Variants in DLD observed in about 807,000 individuals in gnomAD.
DLD encodes dihydrolipoamide dehydrogenase.
Under a neutral mutation model 62.2 loss-of-function variants are expected in DLD, and 36 were observed. That is an observed-to-expected ratio of 0.58 (90% CI 0.44 to 0.76). The LOEUF (loss-of-function observed/expected upper bound fraction) is 0.76, where lower values mean the gene tolerates loss of function less well. Among genes scored for constraint, DLD ranks in the 30% least tolerant of loss-of-function variants. The pLI, the probability that DLD is intolerant of heterozygous loss-of-function variation, is 0.00. For missense variants in DLD, 541 were observed against 608.6 expected (o/e 0.89, Z 1.17); for synonymous variants, 204 against 199.6 (o/e 1.02, Z -0.19).
Position 107,893,196 on chromosome 7 carries a change from C to T in DLD, c.40-4C>T. ...TACATAATAGGGACATTTTCTTTTT[C>T]TAGAGAGGCCATTTCAATCGAATAT... On this transcript the variant is annotated splice_region_variant and splice_polypyrimidine_tract_variant and intron_variant, in intron 1 of 13. Coordinates refer to ENST00000205402, the MANE Select transcript of DLD (RefSeq NM_000108.5). The T allele has an allele frequency of 6.2e-7, 1 of 1,612,278 alleles. No homozygotes were observed. The highest frequency in any genetic ancestry group is 2.2e-5 in the East Asian group (1 of 44,812).
chr7:107,897,329 A>G (rs1309452915), intron 2 of DLD, among the ~76,000 whole-genome samples: 1 of 152,204 alleles, frequency 6.6e-6, no homozygotes, highest in Admixed American at 6.5e-5. Context: ...ATAGAACATA[A>G]TGGTATATAG....
At chr7:107,915,378 C>A in intron 8 of DLD, 128 bp from the exon 9 acceptor site, 1 of 949,332 alleles carries the variant, frequency 1.1e-6, no homozygotes, top group Non-Finnish European at 1.6e-6. Context: ...AATTTTAAAC[C>A]TCGGAGCTTC....
rs1670646087 is a variant in DLD, at chr7:107,917,086, A to C, written c.1046+122A>C. 18 of 1,219,702 alleles carry C rather than the reference A, an allele frequency of 1.5e-5. No individual in the cohort carries two copies. The South Asian group carries it at 2.4e-4, about 16-fold the overall frequency. The allele number at this position is 1,219,702 out of a possible 1,614,324, so 75.6% of individuals were successfully genotyped here. A position where few individuals can be genotyped will look rare whatever the true frequency, so the allele number is the denominator to read the frequency against. ...CTTTGGGGAAGAATAGTAAACTTAC[A>C]AAATGTAAAATAAAAAATAACTGAA... On this transcript the variant is annotated intron_variant, in intron 10 of 13. Coordinates refer to ENST00000205402, the MANE Select transcript of DLD (RefSeq NM_000108.5).
At chr7:107,896,269 T>A (rs2031721319) in intron 2 of DLD, among the ~76,000 whole-genome samples, 1 of 152,186 alleles carries the variant, frequency 6.6e-6, no homozygotes, top group Non-Finnish European at 1.5e-5. Context: ...AGGATGTGAA[T>A]GAGGCTAGAG....
At position 107,905,441 on chromosome 7, in the gene DLD, T is replaced by G. The variant is rs148559280; in HGVS notation, c.519T>G (p.Val173=). 73 of 1,613,842 alleles carry G rather than the reference T, an allele frequency of 4.5e-5. No homozygotes were observed. In the Admixed American group the frequency reaches 9.3e-4, roughly 21 times the overall value. The change falls in exon 7 of 14, where the codon GTT becomes GTG. Residue 173 remains valine, a synonymous_variant. Coordinates refer to ENST00000205402, the MANE Select transcript of DLD (RefSeq NM_000108.5). ...TATKADGGTQ[V]IDTKNILIAT... is the part of the protein sequence containing the mutation. Reference sequence around the variant, plus strand: ...CGAAAGCTGATGGCGGCACTCAGGTTATTGATACAAAGAACATTCTTATAG... The same window carrying G: ...CGAAAGCTGATGGCGGCACTCAGGTGATTGATACAAAGAACATTCTTATAG...
chr7:107,906,947 A>G (rs965291893), intron 8 of DLD, among the ~76,000 whole-genome samples: 1 of 152,220 alleles, frequency 6.6e-6, no homozygotes, highest in African/African-American at 2.4e-5. Context: ...TACTTCTGAA[A>G]TAATAAATTC....
chr7:107,908,741 A>G (rs73410478), intron 8 of DLD, among the ~76,000 whole-genome samples: 3,029 of 152,134 alleles, frequency 0.02, 89 homozygotes, highest in African/African-American at 0.067. Context: ...TTCTTCTAAG[A>G]AAGCTCAAGT....
At chr7:107,891,525 T>C in intron 1 of DLD, 1 of 604,448 alleles carries the variant, frequency 1.7e-6, no homozygotes, top group Non-Finnish European at 2.9e-6. Context: ...TTTCGGGTTG[T>C]GTGACGGCCG....
chr7:107,915,667 C>G lies in DLD; in HGVS notation c.846C>G (p.Thr282=), dbSNP rs762987676. The change falls in exon 9 of 14, where the codon ACC becomes ACG. Residue 282 remains threonine, a synonymous_variant. Coordinates refer to ENST00000205402, the MANE Select transcript of DLD (RefSeq NM_000108.5). ...FKLNTKVTGA[T]KKSDGKIDVS... The stretch of plus-strand genomic sequence containing the variant: ...TGAATACAAAGGTTACTGGTGCTAC[C>G]AAGAAGTCAGATGGAAAAATTGATG... The G allele has an allele frequency of 6.8e-6, 11 of 1,613,600 alleles. No individual in the cohort carries two copies. Among genetic ancestry groups the G allele is most frequent in the Non-Finnish European group, 6.8e-6 (8 of 1,179,778 alleles).
chr7:107,891,323 A>G, intron 1 of DLD, 34 bp downstream of exon 1: 1 of 1,613,570 alleles, frequency 6.2e-7, no homozygotes, highest in Non-Finnish European at 8.5e-7. Flanking sequence ...GTGTTGAGCC[A>G]GAGGCACGGA....
chr7:107,898,447 T>C (rs2031790507), intron 2 of DLD, among the ~76,000 whole-genome samples: 1 of 137,110 alleles, frequency 7.3e-6, no homozygotes, highest in South Asian at 2.3e-4. Flanking sequence ...CGCCTGGCAA[T>C]ATTTTGTATT....
intron 8 of DLD, among the ~76,000 whole-genome samples, chr7:107,912,725 T>C (rs1484414307): frequency 6.6e-6 from 1 of 152,152 alleles, no homozygotes; most frequent in Non-Finnish European, 1.5e-5. Flanking sequence ...TCGGATAGTT[T>C]GCAAATATTT....
rs184022257 is a variant in DLD, at chr7:107,914,429, A to G, written c.685-1077A>G. 1.0e-3 allele frequency among the ~76,000 whole-genome samples: 156 copies of G among 152,240 alleles called. 1 individual carries two copies. The highest frequency in any genetic ancestry group is 3.6e-3 in the African/African-American group (148 of 41,554). On this transcript the variant is annotated intron_variant, in intron 8 of 13. Transcript: ENST00000205402. ...TGGATTGTGCTGTTGGTGTTACATC[A>G]AAGAAATCTTCGCCTAACTCAAGGT...
intron 5 of DLD, among the ~76,000 whole-genome samples, chr7:107,904,287 G>A (rs2031949763): frequency 6.6e-6 from 1 of 152,196 alleles, no homozygotes. Flanking sequence ...GGGTAGTCAG[G>A]AGACCTGCAT....
At chr7:107,899,227 G>A (rs2031814109) in intron 2 of DLD, among the ~76,000 whole-genome samples, 1 of 151,114 alleles carries the variant, frequency 6.6e-6, no homozygotes, top group Non-Finnish European at 1.5e-5. Flanking sequence ...TGTATTCTCA[G>A]TTGACAGATC....
At chr7:107,908,681 A>C (rs1247652790) in intron 8 of DLD, among the ~76,000 whole-genome samples, 3 of 147,996 alleles carry the variant, frequency 2.0e-5, no homozygotes, top group Non-Finnish European at 3.0e-5. Flanking sequence ...AAAAAAAAAA[A>C]CCCCAAAACA....
At chr7:107,892,445 C>G (rs1270369788) in intron 1 of DLD, among the ~76,000 whole-genome samples, 2 of 152,074 alleles carry the variant, frequency 1.3e-5, no homozygotes, top group Admixed American at 1.3e-4. Context: ...TATATACACG[C>G]TAGCTTAGAG....
chr7:107,895,951 G>T (rs1362601845), intron 2 of DLD, among the ~76,000 whole-genome samples: 2 of 152,182 alleles, frequency 1.3e-5, no homozygotes, highest in Non-Finnish European at 2.9e-5. Context: ...TGAAATGCCT[G>T]CTGTTAGTGT....
intron 2 of DLD, among the ~76,000 whole-genome samples, chr7:107,896,895 G>A (rs2031740297): frequency 6.6e-6 from 1 of 151,038 alleles, no homozygotes; most frequent in Admixed American, 6.6e-5. Flanking sequence ...GGAGTGCAGT[G>A]GCGTGATCTT....
Sources: gnomAD v4.1 joint callset for allele counts (sites outside exome capture counted in the v4.1 genomes callset) on GRCh38, gnomAD v4.1.1 for gene constraint, MANE v1.5 for transcripts, NCBI Gene and HGNC (gene_info 2026-07-23, HGNC 2026-07-21) for gene names.